The following GPAT3 variants were observed in gnomAD, a reference collection of about 807,000 sequenced individuals.
The protein encoded by GPAT3 is glycerol-3-phosphate acyltransferase 3.
GPAT3 carries 53 observed loss-of-function variants against 58.8 expected under a neutral mutation model. The ratio of observed to expected loss-of-function variants is 0.90; its 90% confidence interval spans 0.72 to 1.13. The LOEUF (loss-of-function observed/expected upper bound fraction) is 1.13, where lower values mean the gene tolerates loss of function less well. Among genes scored for constraint, GPAT3 ranks in the 50% most tolerant of loss-of-function variants. The pLI is 0.00. For missense variants in GPAT3, 511 were observed against 527.6 expected, an observed-to-expected ratio of 0.97 and a Z score of 0.31; for synonymous variants, 197 against 187.4, an observed-to-expected ratio of 1.05 and a Z score of -0.42.
intron 2 of GPAT3, among the ~76,000 whole-genome samples, chr4:83,557,380 T>C (rs1228926495): frequency 1.3e-5 from 2 of 152,244 alleles, no homozygotes; most frequent in Non-Finnish European, 2.9e-5. Flanking sequence ...GCCATCATCC[T>C]GGCAGACATC....
intron 2 of GPAT3, among the ~76,000 whole-genome samples, chr4:83,557,718 G>A: frequency 6.6e-6 from 1 of 152,172 alleles, no homozygotes; most frequent in East Asian, 1.9e-4. Context: ...CTCTGATCTG[G>A]AGGATAGATA....
chr4:83,559,307 A>G (rs962271913), intron 2 of GPAT3, among the ~76,000 whole-genome samples: 2 of 152,064 alleles, frequency 1.3e-5, no homozygotes, highest in Non-Finnish European at 2.9e-5. Flanking sequence ...GTATATAAGC[A>G]GAGAAAGCAG....
chr4:83,565,990 G>A (rs909107195), intron 2 of GPAT3, among the ~76,000 whole-genome samples: 1 of 152,202 alleles, frequency 6.6e-6, no homozygotes, highest in Non-Finnish European at 1.5e-5. Flanking sequence ...TGGGTTTCAG[G>A]AGAAACCAAG....
chr4:83,565,906 AG>A (rs1311821787), intron 2 of GPAT3, among the ~76,000 whole-genome samples: 2 of 152,208 alleles, frequency 1.3e-5, no homozygotes, highest in African/African-American at 4.8e-5. Context: ...TCAGTGAAGG[AG>A]AACTCTGTGA....
chr4:83,544,899 A>G (rs1056291707), intron 2 of GPAT3, among the ~76,000 whole-genome samples: 2 of 152,140 alleles, frequency 1.3e-5, no homozygotes, highest in Admixed American at 1.3e-4. Flanking sequence ...CAAAAGAAAA[A>G]AAAAAAGAAA....
chr4:83,584,042 C>T (rs985048790), intron 3 of GPAT3, among the ~76,000 whole-genome samples: 3 of 152,124 alleles, frequency 2.0e-5, no homozygotes, highest in African/African-American at 7.2e-5. Flanking sequence ...TGGATTGGTT[C>T]GTATCCAAGG....
intron 3 of GPAT3, 135 bp from the exon 4 acceptor site, chr4:83,587,120 T>C (rs928155751): frequency 2.9e-6 from 2 of 686,122 alleles, no homozygotes; most frequent in African/African-American, 3.6e-5. Flanking sequence ...ATTTACCCAG[T>C]TATTTTAGTG....
At chr4:83,594,151 C>T (rs996065642) in intron 6 of GPAT3, among the ~76,000 whole-genome samples, 38 of 152,146 alleles carry the variant, frequency 2.5e-4, no homozygotes, top group African/African-American at 8.7e-4. Context: ...CTGGAAATTA[C>T]TCTTTATCAG....
At chr4:83,563,201 T>C (rs1328077732) in intron 2 of GPAT3, among the ~76,000 whole-genome samples, 3 of 152,220 alleles carry the variant, frequency 2.0e-5, no homozygotes, top group Admixed American at 6.5e-5. Context: ...ACGCAAAGGA[T>C]ATGTGTGTGC....
At chr4:83,578,914 T>C (rs1226697238) in intron 2 of GPAT3, among the ~76,000 whole-genome samples, 1 of 102,266 alleles carries the variant, frequency 9.8e-6, no homozygotes, top group African/African-American at 3.9e-5. Context: ...TTCTTTTTTC[T>C]TTTTTCTTTT....
intron 2 of GPAT3, among the ~76,000 whole-genome samples, chr4:83,564,141 C>T (rs1363992864): frequency 1.3e-5 from 2 of 152,128 alleles, no homozygotes; most frequent in East Asian, 1.9e-4. Context: ...TGAGTTCCCA[C>T]TAGGAGTGTA....
At chr4:83,592,245 A>G (rs144504363) in intron 6 of GPAT3, among the ~76,000 whole-genome samples, 433 of 152,316 alleles carry the variant, frequency 2.8e-3, no homozygotes, top group Middle Eastern at 0.014. Context: ...CGCAATTACA[A>G]TATATTAGCC....
intron 3 of GPAT3, 121 bp downstream of exon 3, chr4:83,581,953 G>A: frequency 3.0e-6 from 4 of 1,340,214 alleles, no homozygotes; most frequent in Non-Finnish European, 1.0e-6. Flanking sequence ...CGTAGGAAAT[G>A]CCACCAAACA....
chr4:83,594,950 G>A lies in GPAT3; in HGVS notation c.844G>A (p.Val282Ile). Residue 282 changes from valine to isoleucine, a missense_variant, in exon 7 of 12, where the codon GTT (valine) becomes ATT (isoleucine). By Grantham distance (29) the Val-to-Ile change is conservative (BLOSUM62 3). Transcript: ENST00000264409. ...CTCAGAAATGAAGGATCGACACCTGGTTACTAAGAGGTAAGCAGTGAAATT... is the reference window on the plus strand; with the variant it reads ...CTCAGAAATGAAGGATCGACACCTGATTACTAAGAGGTAAGCAGTGAAATT... ...ERSEMKDRHL[V>I]TKRLKEHIAD... The A allele has an allele frequency of 3.7e-6, 6 of 1,613,378 alleles. No individual in the cohort carries two copies. The highest frequency in any genetic ancestry group is 4.2e-6 in the Non-Finnish European group (5 of 1,179,422).
chr4:83,563,257 TA>T (rs561777337), intron 2 of GPAT3, among the ~76,000 whole-genome samples: 1 of 152,206 alleles, frequency 6.6e-6, no homozygotes, highest in East Asian at 1.9e-4. Context: ...CTCATCGTTT[TA>T]AAAACGTTTT....
intron 1 of GPAT3, 131 bp downstream of exon 1, chr4:83,536,894 G>C: frequency 1.2e-6 from 1 of 833,902 alleles, no homozygotes; most frequent in South Asian, 1.9e-5. Flanking sequence ...GTGCATTTCT[G>C]TTCCTTGCCC....
At chr4:83,574,624 ATTTTTTTTTTTTT>A (rs561972057) in intron 2 of GPAT3, among the ~76,000 whole-genome samples, 8 of 55,570 alleles carry the variant, frequency 1.4e-4, no homozygotes, top group Admixed American at 4.8e-4. Flanking sequence ...AGTAAAATGA[ATTTTTTTTTTTTT>A]TTTTTTTTTT....
chr4:83,594,923 C>A lies in GPAT3; in HGVS notation c.817C>A (p.Arg273Ser), dbSNP rs367948973. 11 of 1,613,862 alleles carry A rather than the reference C, an allele frequency of 6.8e-6. No homozygotes were observed. The highest frequency in any genetic ancestry group is 1.1e-5 in the South Asian group (1 of 91,078). ...VKACPHVWFE[R>S]SEMKDRHLVT... Reference sequence around the variant, plus strand: ...GGCTTGTCCTCATGTCTGGTTTGAACGCTCAGAAATGAAGGATCGACACCT... The same window carrying A: ...GGCTTGTCCTCATGTCTGGTTTGAAAGCTCAGAAATGAAGGATCGACACCT... The change falls in exon 7 of 12, where the codon CGC becomes AGC. Residue 273 changes from arginine (R) to serine (S), a missense_variant. Transcript: ENST00000264409.
chr4:83,604,909 G>C lies in GPAT3; in HGVS notation c.*142G>C. ...ATTGTCTCTACCTCTTTATGCCAGA[G>C]GCAGAACCTACAGGTGCCCTTTTTG... On this transcript the variant is annotated 3_prime_UTR_variant, in exon 12 of 12. Coordinates refer to ENST00000264409, the MANE Select transcript of GPAT3 (RefSeq NM_032717.5). 1.4e-6 allele frequency: 1 copy of C among 708,334 alleles called. No individual in the cohort carries two copies. The highest frequency in any genetic ancestry group is 2.3e-6 in the Non-Finnish European group (1 of 442,326). The allele number at this position is 708,334 out of a possible 1,614,324, so 43.9% of individuals were successfully genotyped here. A position where few individuals can be genotyped will look rare whatever the true frequency, so the allele number is the denominator to read the frequency against.
Sources: gnomAD v4.1 joint callset for allele counts (sites outside exome capture counted in the v4.1 genomes callset) on GRCh38, gnomAD v4.1.1 for gene constraint, MANE v1.5 for transcripts, NCBI Gene and HGNC (gene_info 2026-07-23, HGNC 2026-07-21) for gene names.